Variants in CNTNAP2 observed in about 807,000 individuals in gnomAD.
CNTNAP2 encodes contactin associated protein 2.
Under a neutral mutation model 155.2 loss-of-function variants are expected in CNTNAP2, and 98 were observed. That is an observed-to-expected ratio of 0.63 (90% CI 0.54 to 0.75). The LOEUF is 0.75. Among genes scored for constraint, CNTNAP2 ranks in the 30% least tolerant of loss-of-function variants. The pLI, the probability that CNTNAP2 is intolerant of heterozygous loss-of-function variation, is 0.00. For synonymous variants in CNTNAP2, 651 were observed against 631.2 expected (o/e 1.03, Z -0.47); for missense variants, 1,727 against 1,688.1 (o/e 1.02, Z -0.40).
rs561047039 is a variant in CNTNAP2, at chr7:147,612,440, G to A, written c.1898-26666G>A. On this transcript the variant is annotated intron_variant, in intron 12 of 23. Coordinates refer to ENST00000361727, the MANE Select transcript of CNTNAP2 (RefSeq NM_014141.6). ...TTTTCTGAGACGGAGTCTTTCTGTT[G>A]CCCAGGCTAGAGTGCAGTGGCCTGA... Among the ~76,000 whole-genome samples, 13 of 125,484 alleles carry A rather than the reference G, an allele frequency of 1.0e-4. No individual in the cohort carries two copies. The Admixed American group carries it at 1.1e-3, about 11-fold the overall frequency. The allele number at this position is 125,484 out of a possible 152,430, so 82.3% of individuals were successfully genotyped here.
chr7:146,544,236 C>T (rs1797995675), intron 1 of CNTNAP2, among the ~76,000 whole-genome samples: 1 of 151,906 alleles, frequency 6.6e-6, no homozygotes, highest in African/African-American at 2.4e-5. Flanking sequence ...TAGTTTATTA[C>T]AGCTGCAACA....
chr7:147,881,255 C>G (rs1034581367), intron 13 of CNTNAP2, among the ~76,000 whole-genome samples: 1 of 152,154 alleles, frequency 6.6e-6, no homozygotes, highest in African/African-American at 2.4e-5. Context: ...TGTAGCACCA[C>G]CAAATGCAGA....
intron 3 of CNTNAP2, among the ~76,000 whole-genome samples, chr7:146,886,021 C>T (rs1047052286): frequency 6.7e-6 from 1 of 150,012 alleles, no homozygotes; most frequent in Non-Finnish European, 1.5e-5. Context: ...TAGACTAATT[C>T]TAGTACAAAT....
intron 1 of CNTNAP2, among the ~76,000 whole-genome samples, chr7:146,484,153 G>A (rs972377460): frequency 1.3e-5 from 2 of 152,172 alleles, no homozygotes; most frequent in African/African-American, 4.8e-5. Context: ...TGCTGTACAA[G>A]TTTGTTACCT....
At chr7:147,653,630 C>G (rs1246654765) in intron 13 of CNTNAP2, among the ~76,000 whole-genome samples, 1 of 152,080 alleles carries the variant, frequency 6.6e-6, no homozygotes, top group Non-Finnish European at 1.5e-5. Flanking sequence ...CGCTGAGGAG[C>G]AGAAAGGAGG....
chr7:146,946,228 T>A (rs184620329), intron 3 of CNTNAP2, among the ~76,000 whole-genome samples: 1 of 152,038 alleles, frequency 6.6e-6, no homozygotes, highest in Admixed American at 6.6e-5. Context: ...TCAGAAAATA[T>A]CTGACTGCTT....
At chr7:146,979,366 C>A (rs1797972354) in intron 3 of CNTNAP2, among the ~76,000 whole-genome samples, 1 of 152,128 alleles carries the variant, frequency 6.6e-6, no homozygotes, top group Non-Finnish European at 1.5e-5. Context: ...GAATACTACT[C>A]CCTCCAATCT....
At chr7:148,070,862 A>G (rs1308735426) in intron 15 of CNTNAP2, among the ~76,000 whole-genome samples, 1 of 152,164 alleles carries the variant, frequency 6.6e-6, no homozygotes, top group African/African-American at 2.4e-5. Flanking sequence ...TTTCTGAGCA[A>G]TATCAGGTAA....
intron 10 of CNTNAP2, among the ~76,000 whole-genome samples, chr7:147,450,280 A>G (rs1402844817): frequency 6.6e-6 from 1 of 152,216 alleles, no homozygotes; most frequent in Non-Finnish European, 1.5e-5. Context: ...ATGCAATATG[A>G]GGAGCCTCTA....
chr7:146,754,995 C>T (rs929812166), intron 1 of CNTNAP2, among the ~76,000 whole-genome samples: 12 of 151,820 alleles, frequency 7.9e-5, no homozygotes, highest in African/African-American at 2.9e-4. Context: ...ATTTTTGCCT[C>T]CATTGTATAT....
At chr7:148,292,322 A>G (rs900546653) in intron 21 of CNTNAP2, among the ~76,000 whole-genome samples, 2 of 152,184 alleles carry the variant, frequency 1.3e-5, no homozygotes, top group African/African-American at 2.4e-5. Context: ...TTTCATTTTT[A>G]AGCCAGTTCA....
rs560483803 is a variant in CNTNAP2 at position 146,356,612 on chromosome 7, T to A, written c.97+239639T>A. ...CAATTTGAATGTGAAGTAAGATTAA[T>A]CCTTATTAAGAAAGAAAATGATGCA... On this transcript the variant is annotated intron_variant, in intron 1 of 23. Coordinates refer to ENST00000361727, the MANE Select transcript of CNTNAP2 (RefSeq NM_014141.6). Among the ~76,000 whole-genome samples, 96 of 152,300 alleles carry A rather than the reference T, an allele frequency of 6.3e-4. 1 individual carries two copies. The South Asian group carries it at 0.017, about 27-fold the overall frequency.
intron 1 of CNTNAP2, among the ~76,000 whole-genome samples, chr7:146,150,795 A>T (rs1413986009): frequency 6.6e-6 from 1 of 152,112 alleles, no homozygotes; most frequent in Admixed American, 6.6e-5. Context: ...AATAATGCTT[A>T]TTACCATATA....
At chr7:146,184,155 C>T (rs1032117847) in intron 1 of CNTNAP2, among the ~76,000 whole-genome samples, 15 of 152,180 alleles carry the variant, frequency 9.9e-5, no homozygotes, top group African/African-American at 3.1e-4. Context: ...GCAAAAATCA[C>T]GGACTATAAG....
chr7:146,261,604 C>T (rs1239702313), intron 1 of CNTNAP2, among the ~76,000 whole-genome samples: 2 of 152,028 alleles, frequency 1.3e-5, no homozygotes, highest in Non-Finnish European at 2.9e-5. Flanking sequence ...CATCACTCTA[C>T]TCAAATCTTC....
intron 20 of CNTNAP2, among the ~76,000 whole-genome samples, chr7:148,258,201 C>T (rs1022999185): frequency 2.0e-5 from 3 of 152,152 alleles, no homozygotes; most frequent in South Asian, 4.1e-4. Context: ...GTTTAACAAG[C>T]GTGTGTTATG....
chr7:147,610,262 C>A (rs912609326), intron 12 of CNTNAP2, among the ~76,000 whole-genome samples: 1 of 151,742 alleles, frequency 6.6e-6, no homozygotes, highest in Admixed American at 6.6e-5. Context: ...CTTAAATATT[C>A]TGAGTAAAGT....
intron 21 of CNTNAP2, among the ~76,000 whole-genome samples, chr7:148,297,245 A>G (rs755123451): frequency 3.3e-5 from 5 of 149,756 alleles, no homozygotes; most frequent in Non-Finnish European, 3.0e-5. Context: ...AGAATATGGA[A>G]GCTCAGTTCA....
intron 13 of CNTNAP2, among the ~76,000 whole-genome samples, chr7:147,873,809 A>G (rs1381968258): frequency 6.6e-6 from 1 of 152,178 alleles, no homozygotes; most frequent in African/African-American, 2.4e-5. Context: ...GAGCCTGTAA[A>G]ATCAAAAGCA....
Sources: gnomAD v4.1 joint callset for allele counts (sites outside exome capture counted in the v4.1 genomes callset) on GRCh38, gnomAD v4.1.1 for gene constraint, MANE v1.5 for transcripts, NCBI Gene and HGNC (gene_info 2026-07-23, HGNC 2026-07-21) for gene names.